CSMD1: variants seen among roughly 807,000 people sequenced by gnomAD.
The protein encoded by CSMD1 is CUB and sushi domain-containing protein 1.
A neutral mutation model predicts 417.5 loss-of-function variants in CSMD1; 213 were observed. That is an observed-to-expected ratio of 0.51 (90% CI 0.46 to 0.57). The LOEUF (loss-of-function observed/expected upper bound fraction) is 0.57, where lower values mean the gene tolerates loss of function less well. CSMD1 is among the 20% of genes least tolerant of loss of function. The probability of loss-of-function intolerance (pLI) is 0.00; values close to 1 mark genes in which losing one functional copy is unlikely to be tolerated. For synonymous variants in CSMD1, 2,862 were observed against 1,736.8 expected (o/e 1.65, Z -16.11); for missense variants, 6,923 against 4,529.7 (o/e 1.53, Z -15.17).
At chr8:3,225,710 A>T (rs116406054) in intron 27 of CSMD1, among the ~76,000 whole-genome samples, 29,710 of 151,976 alleles carry the variant, frequency 0.2, 3,000 homozygotes, top group Admixed American at 0.22. Context: ...TCTTATTCAC[A>T]CTGATCCCAG....
chr8:2,993,199 T>C (rs1806554531), intron 54 of CSMD1, among the ~76,000 whole-genome samples: 1 of 152,212 alleles, frequency 6.6e-6, no homozygotes, highest in Non-Finnish European at 1.5e-5. Flanking sequence ...GTTTTAAAAC[T>C]AAGAACAATG....
intron 3 of CSMD1, 46 bp from the exon 4 acceptor site, chr8:4,032,145 C>A (rs1807410102): frequency 7.0e-7 from 1 of 1,432,100 alleles, no homozygotes; most frequent in Non-Finnish European, 9.7e-7. Flanking sequence ...TTAAATTTTC[C>A]ATGGAGAGCC....
At chr8:4,890,982 G>A (rs1382202971) in intron 1 of CSMD1, among the ~76,000 whole-genome samples, 1 of 152,056 alleles carries the variant, frequency 6.6e-6, no homozygotes, top group African/African-American at 2.4e-5. Context: ...TTCATAGTAA[G>A]AACACATGTT....
At chr8:3,830,634 C>T (rs1170265355) in intron 5 of CSMD1, among the ~76,000 whole-genome samples, 1 of 152,106 alleles carries the variant, frequency 6.6e-6, no homozygotes, top group African/African-American at 2.4e-5. Flanking sequence ...AATGCTCTGC[C>T]ATGGCCAATA....
At chr8:3,802,911 G>T (rs1340791151) in intron 5 of CSMD1, among the ~76,000 whole-genome samples, 1 of 152,076 alleles carries the variant, frequency 6.6e-6, no homozygotes, top group East Asian at 1.9e-4. Flanking sequence ...AAGGAAAACA[G>T]GAATTTTGAA....
At chr8:2,948,023 C>T (rs1802369861) in intron 68 of CSMD1, among the ~76,000 whole-genome samples, 1 of 150,888 alleles carries the variant, frequency 6.6e-6, no homozygotes, top group Admixed American at 6.6e-5. Context: ...CAGTGGTAAT[C>T]ATTACAAAAT....
At chr8:4,580,375 A>G (rs1477392892) in intron 2 of CSMD1, among the ~76,000 whole-genome samples, 1 of 152,162 alleles carries the variant, frequency 6.6e-6, no homozygotes, top group East Asian at 1.9e-4. Context: ...CGCAGTGTTG[A>G]CCATCTTCCT....
chr8:3,965,919 T>C (rs546932955), intron 5 of CSMD1, among the ~76,000 whole-genome samples: 2 of 152,174 alleles, frequency 1.3e-5, no homozygotes, highest in South Asian at 2.1e-4. Flanking sequence ...GCCCGGCCAA[T>C]GGTTATGATT....
At chr8:4,815,502 C>T (rs1030978753) in intron 1 of CSMD1, among the ~76,000 whole-genome samples, 1 of 151,654 alleles carries the variant, frequency 6.6e-6, no homozygotes, top group African/African-American at 2.4e-5. Flanking sequence ...TCGAGACCAG[C>T]CTGACCAACA....
intron 5 of CSMD1, among the ~76,000 whole-genome samples, chr8:3,940,830 T>G (rs1810829045): frequency 6.6e-6 from 1 of 151,888 alleles, no homozygotes; most frequent in Non-Finnish European, 1.5e-5. Flanking sequence ...AACCACAACT[T>G]AACCCAAGAA....
chr8:4,144,858 G>C (rs934637966), intron 3 of CSMD1, among the ~76,000 whole-genome samples: 2 of 150,954 alleles, frequency 1.3e-5, no homozygotes, highest in African/African-American at 5.0e-5. Flanking sequence ...CAGGGGAATT[G>C]TGTCCCTGGG....
chr8:4,153,736 C>T (rs963031350), intron 3 of CSMD1, among the ~76,000 whole-genome samples: 1 of 152,208 alleles, frequency 6.6e-6, no homozygotes, highest in African/African-American at 2.4e-5. Context: ...GCAGTGGGCA[C>T]GGTTTCAGTG....
At chr8:4,356,504 G>A (rs34277278) in intron 3 of CSMD1, among the ~76,000 whole-genome samples, 12,711 of 152,174 alleles carry the variant, frequency 0.084, 810 homozygotes, top group African/African-American at 0.18. Flanking sequence ...TGGGATTGCT[G>A]GATCAAATGT....
intron 67 of CSMD1, 72 bp from the exon 68 acceptor site, chr8:2,949,458 T>C (rs1460076091): frequency 4.2e-6 from 3 of 715,314 alleles, no homozygotes; most frequent in Non-Finnish European, 4.6e-6. Context: ...TCTTTTAATA[T>C]ATCTTTTAAT....
At chr8:4,440,101 A>T (rs1049234626) in intron 2 of CSMD1, among the ~76,000 whole-genome samples, 2 of 152,186 alleles carry the variant, frequency 1.3e-5, no homozygotes, top group African/African-American at 4.8e-5. Context: ...GATATTGGAA[A>T]AGAGGAACTC....
chr8:4,289,412 C>CT (rs1797237938), intron 3 of CSMD1, among the ~76,000 whole-genome samples: 1 of 151,900 alleles, frequency 6.6e-6, no homozygotes, highest in African/African-American at 2.4e-5. Flanking sequence ...GGAGCCAGGG[C>CT]CTGTGTTTCT....
intron 20 of CSMD1, among the ~76,000 whole-genome samples, chr8:3,361,754 C>T (rs1028033010): frequency 5.9e-5 from 9 of 151,422 alleles, no homozygotes; most frequent in Non-Finnish European, 1.5e-5. Context: ...AAAGAAACAC[C>T]ATGATCTTAT....
In CSMD1 at chr8:3,399,511, A is replaced by G. The variant is rs764223363; in HGVS notation, c.2285T>C (p.Leu762Pro). 1.2e-6 allele frequency: 2 copies of G among 1,600,142 alleles called. No individual in the cohort carries two copies. Among genetic ancestry groups the G allele is most frequent in the South Asian group, 1.1e-5 (1 of 87,228 alleles). ...CAAAATGACTCCGCTGGACGCTGTC[A>G]GATGTCCACCACATGGAGCTAAAAC... is the stretch of plus-strand genomic sequence containing the variant. ...PRCEAPCGGH[L>P]TASSGVILPP... Residue 762 changes from leucine to proline, a missense_variant, in exon 16 of 70, where the codon CTG (leucine) becomes CCG (proline). Transcript: ENST00000635120.
intron 7 of CSMD1, among the ~76,000 whole-genome samples, chr8:3,653,418 C>T (rs1797957047): frequency 2.0e-5 from 3 of 152,100 alleles, no homozygotes; most frequent in Admixed American, 6.6e-5. Flanking sequence ...AAACGATTGT[C>T]CTGCCTCAGC....
Sources: allele counts gnomAD v4.1 joint callset (sites outside exome capture counted in the v4.1 genomes callset), GRCh38; gene constraint gnomAD v4.1.1; transcripts MANE v1.5; gene names NCBI Gene and HGNC (gene_info 2026-07-23, HGNC 2026-07-21).